The following HIVEP1 variants were observed in gnomAD, a reference collection of about 807,000 sequenced individuals.
HIVEP1 encodes HIVEP zinc finger 1, also known as zinc finger protein 40.
Under a neutral mutation model 180.0 loss-of-function variants are expected in HIVEP1, and 36 were observed. That is an observed-to-expected ratio of 0.20 (90% confidence interval 0.15 to 0.26). The LOEUF is 0.26. Ranked by LOEUF, HIVEP1 falls within the 10% of genes least tolerant of loss-of-function variation. The pLI is 1.00. For synonymous variants in HIVEP1, 1,239 were observed against 1,239.0 expected (o/e 1.00, Z 0.00); for missense variants, 3,143 against 3,268.7 (o/e 0.96, Z 0.94).
Position 12,161,449 on chromosome 6 carries a change from G to A in HIVEP1, c.6498G>A (p.Gln2166=), listed in dbSNP as rs2113686504. 1 of 1,608,834 alleles carries A rather than the reference G, an allele frequency of 6.2e-7. No homozygotes were observed. Among genetic ancestry groups the A allele is most frequent in the Non-Finnish European group, 8.5e-7 (1 of 1,176,014 alleles). The part of the protein sequence containing the change: ...EQDTEESDEK[Q]RFSYERSGYD... ...GGTTGTTTTTATTAGATGAAAAACA[G>A]AGATTCAGTTATGAGCGATCTGGAT... is the stretch of plus-strand genomic sequence containing the variant. The change falls in exon 8 of 9, where the codon CAG becomes CAA. Residue 2166 remains glutamine (Q), a synonymous_variant. Transcript: ENST00000379388.
At chr6:12,079,841 A>C (rs778276851) in intron 2 of HIVEP1, among the ~76,000 whole-genome samples, 2 of 152,092 alleles carry the variant, frequency 1.3e-5, no homozygotes, top group Non-Finnish European at 2.9e-5. Context: ...GGAAATGCAA[A>C]TTGTGCCTGG....
At chr6:12,180,025 C>G in the HIVEP1 span, among the ~76,000 whole-genome samples, 2 of 152,146 alleles carry the variant, frequency 1.3e-5, no homozygotes, top group Non-Finnish European at 2.9e-5. Context: ...TCAATATGCA[C>G]TCAAGATATT....
intron 8 of HIVEP1, among the ~76,000 whole-genome samples, chr6:12,163,045 T>C (rs1229744063): frequency 2.6e-5 from 4 of 152,356 alleles, no homozygotes; most frequent in African/African-American, 9.6e-5. Context: ...TGCAAAAGAC[T>C]ATACAAGATG....
chr6:12,153,429 A>G (rs982577512), intron 7 of HIVEP1, among the ~76,000 whole-genome samples: 2 of 151,956 alleles, frequency 1.3e-5, no homozygotes, highest in African/African-American at 2.4e-5. Context: ...GAAAAAGTCA[A>G]CTCCTTAATT....
chr6:12,057,011 A>T (rs1285142939), intron 2 of HIVEP1, among the ~76,000 whole-genome samples: 1 of 151,774 alleles, frequency 6.6e-6, no homozygotes, highest in Admixed American at 6.6e-5. Context: ...TAATTTTTTA[A>T]ATCTTTTTTG....
At chr6:12,010,543 T>C (rs1220477931), upstream of HIVEP1, among the ~76,000 whole-genome samples, 1 of 152,028 alleles carries the variant, frequency 6.6e-6, no homozygotes, top group Non-Finnish European at 1.5e-5. Flanking sequence ...GCTGTCTTAG[T>C]GGTTGTATGG....
At chr6:12,165,186 T>G (rs1283669348), downstream of HIVEP1, 1 of 488,104 alleles carries the variant, frequency 2.0e-6, no homozygotes, top group Non-Finnish European at 4.0e-6. Context: ...TGACCTATTT[T>G]TCTTATTTGT....
Position 12,041,653 on chromosome 6 carries a change from A to G in HIVEP1, c.40+25985A>G, listed in dbSNP as rs186197963. ...AATTTAGTTATTTCTTTGATAGAAC[A>G]AATTAATTGTTTGTTTGTTTGTTTT... On this transcript the variant is annotated intron_variant, in intron 2 of 8. Transcript: ENST00000379388. Among the ~76,000 whole-genome samples, 1,336 of 151,732 alleles carry G rather than the reference A, an allele frequency of 8.8e-3. 26 individuals carry two copies. Among genetic ancestry groups the G allele is most frequent in the African/African-American group, 0.03 (1,261 of 41,398 alleles).
At chr6:12,104,376 CTTTCTCTCTCTCTCTTCG>C (rs1774287617) in intron 3 of HIVEP1, among the ~76,000 whole-genome samples, 1 of 144,214 alleles carries the variant, frequency 6.9e-6, no homozygotes, top group Non-Finnish European at 1.5e-5. Flanking sequence ...CTCTCTCTCT[CTTTCTCTCTCTCTCTTCG>C]TTTCTCTCTC....
At chr6:12,147,913 G>T (rs758067088) in intron 7 of HIVEP1, among the ~76,000 whole-genome samples, 1 of 152,144 alleles carries the variant, frequency 6.6e-6, no homozygotes, top group African/African-American at 2.4e-5. Flanking sequence ...GATCACTGTG[G>T]TGTAGAACTT....
intron 2 of HIVEP1, among the ~76,000 whole-genome samples, chr6:12,035,314 T>C (rs940199569): frequency 1.3e-5 from 2 of 152,196 alleles, no homozygotes; most frequent in Admixed American, 6.5e-5. Context: ...GAAGAGCAGG[T>C]GTCATGTAAA....
the HIVEP1 span, among the ~76,000 whole-genome samples, chr6:12,175,542 G>A: frequency 2.6e-5 from 4 of 152,184 alleles, no homozygotes. Context: ...AAATACTTAT[G>A]AAGCACGTAT....
chr6:12,030,037 C>T (rs72826025), intron 2 of HIVEP1, among the ~76,000 whole-genome samples: 2 of 151,996 alleles, frequency 1.3e-5, no homozygotes, highest in African/African-American at 2.4e-5. Flanking sequence ...TTTTTCCTTC[C>T]GTTTTGAAGC....
At chr6:12,180,337 G>C in the HIVEP1 span, among the ~76,000 whole-genome samples, 1 of 152,144 alleles carries the variant, frequency 6.6e-6, no homozygotes, top group African/African-American at 2.4e-5. Flanking sequence ...AATAAATTCA[G>C]TTGTTTTCTC....
At chr6:12,172,828 G>A in the HIVEP1 span, among the ~76,000 whole-genome samples, 80 of 149,990 alleles carry the variant, frequency 5.3e-4, no homozygotes, top group Admixed American at 8.7e-4. Context: ...TGCTTTTTCA[G>A]TAATGATTTA....
chr6:12,168,033 T>G (rs1288907512), downstream of HIVEP1, among the ~76,000 whole-genome samples: 11 of 43,730 alleles, frequency 2.5e-4, no homozygotes, highest in African/African-American at 1.2e-3. Context: ...TATGTATATA[T>G]TATATATACA....
At chr6:12,103,984 G>A (rs188836653) in intron 3 of HIVEP1, among the ~76,000 whole-genome samples, 2 of 152,156 alleles carry the variant, frequency 1.3e-5, no homozygotes, top group African/African-American at 2.4e-5. Context: ...ATCTAGCCTG[G>A]CATTTTATTT....
downstream of HIVEP1, among the ~76,000 whole-genome samples, chr6:12,168,018 GTATATA>G (rs1562024259): frequency 1.5e-3 from 24 of 16,096 alleles, 1 homozygote; most frequent in African/African-American, 4.9e-3. Context: ...ACATGTACAT[GTATATA>G]TGTATATATT....
At chr6:12,207,787 T>C in the HIVEP1 span, among the ~76,000 whole-genome samples, 1 of 133,188 alleles carries the variant, frequency 7.5e-6, no homozygotes, top group Non-Finnish European at 1.7e-5. Context: ...TGGCGGTACA[T>C]GACCGTGGTC....
Sources: allele counts gnomAD v4.1 joint callset (sites outside exome capture counted in the v4.1 genomes callset), GRCh38; gene constraint gnomAD v4.1.1; transcripts MANE v1.5; gene names NCBI Gene and HGNC (gene_info 2026-07-23, HGNC 2026-07-21).